The following COPG2 variants were observed in gnomAD, a reference collection of about 807,000 sequenced individuals.
COPG2 encodes the protein coatomer subunit gamma-2.
A neutral mutation model predicts 46.3 loss-of-function variants in COPG2; 37 were observed. The observed-to-expected ratio is 0.80, with a 90% confidence interval of 0.61 to 1.05. The LOEUF (loss-of-function observed/expected upper bound fraction) is 1.05, where lower values mean the gene tolerates loss of function less well. COPG2 is among the 50% of genes least tolerant of loss of function. COPG2 has a pLI of 0.00. For synonymous variants in COPG2, 159 were observed against 129.7 expected, an observed-to-expected ratio of 1.23 and a Z score of -1.53; for missense variants, 427 against 387.8, an observed-to-expected ratio of 1.10 and a Z score of -0.85.
At chr7:130,647,897 A>AT (rs1554458505) in intron 5 of COPG2, among the ~76,000 whole-genome samples, 1 of 151,626 alleles carries the variant, frequency 6.6e-6, no homozygotes, top group African/African-American at 2.4e-5. Context: ...CGCCCAGCTA[A>AT]TTTTTTGTAT....
chr7:130,522,064 G>A (rs1799728506), intron 20 of COPG2, among the ~76,000 whole-genome samples: 2 of 152,148 alleles, frequency 1.3e-5, no homozygotes, highest in Non-Finnish European at 2.9e-5. Flanking sequence ...TGGAATTGAA[G>A]GGTGCACATC....
chr7:130,530,074 T>C (rs1228465815), intron 20 of COPG2, among the ~76,000 whole-genome samples: 3 of 152,000 alleles, frequency 2.0e-5, no homozygotes, highest in Non-Finnish European at 4.4e-5. Flanking sequence ...GAGGGCTTCA[T>C]GTTTGGAAGA....
At chr7:130,509,443 C>G in intron 20 of COPG2, 1 of 383,208 alleles carries the variant, frequency 2.6e-6, no homozygotes, top group South Asian at 2.0e-5. Flanking sequence ...CTGGAAAAAG[C>G]TTATAGGTAC....
intron 5 of COPG2, among the ~76,000 whole-genome samples, chr7:130,625,555 A>G (rs1298587617): frequency 6.6e-6 from 1 of 152,022 alleles, no homozygotes; most frequent in Non-Finnish European, 1.5e-5. Context: ...TTGCCTAAAA[A>G]ATTATCCATT....
chr7:130,601,952 C>T (rs1461833336), intron 9 of COPG2, among the ~76,000 whole-genome samples: 1 of 152,080 alleles, frequency 6.6e-6, no homozygotes, highest in African/African-American at 2.4e-5. Context: ...TGGCCAACAG[C>T]CAGGGAGAAA....
chr7:130,610,987 T>C lies in COPG2; in HGVS notation c.703A>G (p.Ile235Val). 6.2e-7 allele frequency: 1 copy of C among 1,613,884 alleles called. No homozygotes were observed. Among genetic ancestry groups the C allele is most frequent in the Non-Finnish European group, 8.5e-7 (1 of 1,179,860 alleles). ...GTTTCTTTTAGTAAGCGACTGGCAA[T>C]TCGGATCAGCATGCAGTAAGCAAAC... Reference protein sequence around the residue: ...SQFAYCMLIRIASRLLKETED... With the variant: ...SQFAYCMLIRVASRLLKETED... The change falls in exon 9 of 24, where the codon ATT becomes GTT. Residue 235 changes from isoleucine (I) to valine (V), a missense_variant. Physicochemically the swap from Ile to Val is conservative, Grantham distance 29. Coordinates refer to ENST00000425248, the MANE Select transcript of COPG2 (RefSeq NM_012133.6).
intron 20 of COPG2, among the ~76,000 whole-genome samples, chr7:130,532,917 C>G (rs1563038023): frequency 6.6e-6 from 1 of 152,086 alleles, no homozygotes; most frequent in Admixed American, 6.5e-5. Flanking sequence ...AATCACAGAT[C>G]GTGCTGAGAG....
intron 4 of COPG2, among the ~76,000 whole-genome samples, chr7:130,657,567 C>T (rs187984997): frequency 6.6e-6 from 1 of 152,178 alleles, no homozygotes; most frequent in Admixed American, 6.5e-5. Flanking sequence ...AACTTCTGCC[C>T]TTTGAAAGAC....
chr7:130,550,335 C>T (rs1308100402), intron 17 of COPG2, among the ~76,000 whole-genome samples, 189 bp downstream of exon 17: 4 of 133,132 alleles, frequency 3.0e-5, no homozygotes, highest in African/African-American at 8.7e-5. Flanking sequence ...CGCTTGAACC[C>T]GGGAGGTAGA....
chr7:130,640,181 T>G (rs1795437353), intron 5 of COPG2, among the ~76,000 whole-genome samples: 2 of 123,592 alleles, frequency 1.6e-5, no homozygotes, highest in African/African-American at 3.0e-5. Flanking sequence ...TTTTTTTTTT[T>G]GTAAACTGTG....
chr7:130,512,362 A>T (rs1178920670), intron 20 of COPG2, among the ~76,000 whole-genome samples: 2 of 152,052 alleles, frequency 1.3e-5, no homozygotes, highest in African/African-American at 4.8e-5. Context: ...CAACTTTAGA[A>T]ATATTAGGCT....
intron 9 of COPG2, among the ~76,000 whole-genome samples, chr7:130,576,678 G>A (rs1794004210): frequency 6.6e-6 from 1 of 151,966 alleles, no homozygotes; most frequent in African/African-American, 2.4e-5. Context: ...ACATTATAAG[G>A]ATACACCTCA....
At chr7:130,657,297 AGAAG>A (rs1795876846) in intron 4 of COPG2, among the ~76,000 whole-genome samples, 1 of 152,140 alleles carries the variant, frequency 6.6e-6, no homozygotes, top group African/African-American at 2.4e-5. Context: ...GAGAAAATGA[AGAAG>A]GAAGAAAAGG....
At chr7:130,509,567 C>A (rs1799562763) in intron 20 of COPG2, 1 of 429,790 alleles carries the variant, frequency 2.3e-6, no homozygotes. Context: ...ATAAGACTTT[C>A]ATCTGCTCAG....
At chr7:130,519,005 CAAAAA>C (rs1163859617) in intron 20 of COPG2, among the ~76,000 whole-genome samples, 3 of 116,454 alleles carry the variant, frequency 2.6e-5, no homozygotes, top group Non-Finnish European at 3.5e-5. Context: ...GACTCTGTCT[CAAAAA>C]AAAAAAAAAA....
chr7:130,609,570 A>G (rs1794801293), intron 9 of COPG2, among the ~76,000 whole-genome samples: 1 of 152,182 alleles, frequency 6.6e-6, no homozygotes, highest in South Asian at 2.1e-4. Context: ...TAACATATCC[A>G]TTATCTCTTC....
At chr7:130,557,399 A>G (rs1422859355) in intron 12 of COPG2, among the ~76,000 whole-genome samples, 8 of 152,238 alleles carry the variant, frequency 5.3e-5, no homozygotes, top group Admixed American at 3.3e-4. Flanking sequence ...GGATGTTCCA[A>G]CATCATCAGG....
chr7:130,557,464 A>G (rs1793645310), intron 12 of COPG2, among the ~76,000 whole-genome samples: 1 of 152,148 alleles, frequency 6.6e-6, no homozygotes. Context: ...GAAAATGTCA[A>G]CAGGGTTTTT....
At chr7:130,579,527 T>C (rs1264339273) in intron 9 of COPG2, among the ~76,000 whole-genome samples, 1 of 151,882 alleles carries the variant, frequency 6.6e-6, no homozygotes, top group African/African-American at 2.4e-5. Flanking sequence ...ATGGACTAAA[T>C]GCTCCAATTA....
Sources: allele counts gnomAD v4.1 joint callset (sites outside exome capture counted in the v4.1 genomes callset), GRCh38; gene constraint gnomAD v4.1.1; transcripts MANE v1.5; gene names NCBI Gene and HGNC (gene_info 2026-07-23, HGNC 2026-07-21).